The following KDM4C variants were observed in gnomAD, a reference collection of about 807,000 sequenced individuals.
KDM4C encodes the protein lysine-specific demethylase 4C.
Under a neutral mutation model 129.3 loss-of-function variants are expected in KDM4C, and 81 were observed. The ratio of observed to expected loss-of-function variants is 0.63; its 90% confidence interval spans 0.52 to 0.75. KDM4C has a LOEUF of 0.75. KDM4C is among the 30% of genes least tolerant of loss of function. The pLI is 0.00. For synonymous variants in KDM4C, 573 were observed against 456.1 expected (o/e 1.26, Z -3.26); for missense variants, 1,457 against 1,304.0 (o/e 1.12, Z -1.81).
chr9:6,992,446 A>G (rs1586763514), intron 12 of KDM4C, among the ~76,000 whole-genome samples: 1 of 152,190 alleles, frequency 6.6e-6, no homozygotes, highest in South Asian at 2.1e-4. Context: ...TTCCTTTCTA[A>G]TATGTTAAGG....
intron 1 of KDM4C, among the ~76,000 whole-genome samples, chr9:6,743,511 CTTT>C (rs765932331): frequency 7.0e-6 from 1 of 142,522 alleles, no homozygotes; most frequent in Non-Finnish European, 1.5e-5. Flanking sequence ...TTTCTGCTTC[CTTT>C]TTTTTTTTTT....
intron 2 of KDM4C, among the ~76,000 whole-genome samples, chr9:6,805,041 C>T (rs1415004027): frequency 6.6e-6 from 1 of 152,040 alleles, no homozygotes; most frequent in Non-Finnish European, 1.5e-5. Context: ...GCTGGGACTA[C>T]AGGTGCGTGC....
At chr9:7,148,081 C>A (rs1842382688) in intron 19 of KDM4C, among the ~76,000 whole-genome samples, 1 of 152,180 alleles carries the variant, frequency 6.6e-6, no homozygotes, top group Non-Finnish European at 1.5e-5. Context: ...GTGGGGTGGG[C>A]AGCTCCAGGT....
At chr9:6,919,247 T>TTTCTTTCTTTCTTTCTTTCTTTCTTTCC in intron 8 of KDM4C, among the ~76,000 whole-genome samples, 34 of 106,370 alleles carry the variant, frequency 3.2e-4, no homozygotes, top group African/African-American at 1.1e-3. Flanking sequence ...TCTTTCTTTC[T>TTTCTTTCTTTCTTTCTTTCTTTCTTTCC]TTTCTTTCTT....
intron 8 of KDM4C, among the ~76,000 whole-genome samples, chr9:6,950,885 G>T (rs1828023720): frequency 6.6e-6 from 1 of 152,086 alleles, no homozygotes. Context: ...ATCCTTAGTA[G>T]TCATGCCATG....
chr9:6,925,488 T>G lies in KDM4C; in HGVS notation c.921+32256T>G, dbSNP rs564676174. The G allele has an allele frequency of 5.3e-6, 4 of 756,080 alleles. No individual in the cohort carries two copies. The South Asian group carries it at 2.5e-4, about 48-fold the overall frequency. The allele number at this position is 756,080 out of a possible 1,614,324, so 46.8% of individuals were successfully genotyped here. On this transcript the variant is annotated intron_variant, in intron 8 of 21. Coordinates refer to ENST00000381309, the MANE Select transcript of KDM4C (RefSeq NM_015061.6). Reference sequence around the variant, plus strand: ...TCCCCTCTTTTCAAATAAGGACATATTCTCACCATCTTGCTCATGCTGCTT... The same window carrying G: ...TCCCCTCTTTTCAAATAAGGACATAGTCTCACCATCTTGCTCATGCTGCTT...
chr9:6,816,214 A>C (rs898954076), intron 4 of KDM4C, among the ~76,000 whole-genome samples: 1 of 152,160 alleles, frequency 6.6e-6, no homozygotes, highest in African/African-American at 2.4e-5. Context: ...CCTTGCCTTA[A>C]TTCCATTATT....
chr9:6,770,203 A>G (rs911924917), intron 1 of KDM4C, among the ~76,000 whole-genome samples: 1 of 149,972 alleles, frequency 6.7e-6, no homozygotes, highest in African/African-American at 2.5e-5. Context: ...AAAACAAACA[A>G]ACAAAAAACA....
intron 12 of KDM4C, among the ~76,000 whole-genome samples, chr9:7,009,647 C>G (rs1822325294): frequency 6.6e-6 from 1 of 152,134 alleles, no homozygotes; most frequent in Non-Finnish European, 1.5e-5. Context: ...ATCACCGTTA[C>G]AAATCTCAAA....
At chr9:6,868,508 G>T (rs192264613) in intron 5 of KDM4C, among the ~76,000 whole-genome samples, 1 of 152,072 alleles carries the variant, frequency 6.6e-6, no homozygotes, top group African/African-American at 2.4e-5. Flanking sequence ...GGCTGCTCAC[G>T]TCCCTGATAT....
At chr9:7,029,074 C>T (rs553823022) in intron 15 of KDM4C, among the ~76,000 whole-genome samples, 2 of 152,106 alleles carry the variant, frequency 1.3e-5, no homozygotes, top group Non-Finnish European at 2.9e-5. Context: ...ATTTGGTGTT[C>T]CTCCAGAGGG....
intron 2 of KDM4C, among the ~76,000 whole-genome samples, chr9:6,801,066 T>C (rs1198268646): frequency 1.3e-5 from 2 of 152,122 alleles, no homozygotes; most frequent in Admixed American, 6.5e-5. Context: ...CTCTCACTTA[T>C]AAGCTGTATA....
At chr9:6,979,008 C>T (rs1308330328) in intron 8 of KDM4C, 3 of 152,178 alleles carry the variant, frequency 2.0e-5, no homozygotes, top group African/African-American at 4.8e-5. Context: ...CTTATCTGCC[C>T]TAGGGATGTT....
chr9:6,822,550 C>G (rs1475326415), intron 4 of KDM4C, among the ~76,000 whole-genome samples: 5 of 152,080 alleles, frequency 3.3e-5, no homozygotes, highest in East Asian at 1.9e-4. Context: ...CTAGATGATT[C>G]TTTGGAAACA....
intron 1 of KDM4C, among the ~76,000 whole-genome samples, chr9:6,760,843 A>G (rs1459949733): frequency 2.6e-5 from 4 of 151,756 alleles, no homozygotes; most frequent in Non-Finnish European, 5.9e-5. Flanking sequence ...AAGTGCTGGG[A>G]TTACAGGCGT....
chr9:7,169,813 G>A lies in KDM4C; in HGVS notation c.2917G>A (p.Gly973Arg), dbSNP rs751623498. The change falls in exon 21 of 22, where the codon GGA (glycine) becomes AGA (arginine). Residue 973 changes from glycine to arginine, a missense_variant. Physicochemically the swap from Gly to Arg is moderately radical, Grantham distance 125 (BLOSUM62 -2). Coordinates refer to ENST00000381309, the MANE Select transcript of KDM4C (RefSeq NM_015061.6). ...CTTTCATTAGGTTGAGTTTGAAGATGGATCCCAGATAGCAATGAAGAGAGA... is the reference window on the plus strand; with the variant it reads ...CTTTCATTAGGTTGAGTTTGAAGATAGATCCCAGATAGCAATGAAGAGAGA... ...AHMYQVEFED[G>R]SQIAMKREDI... is the part of the protein sequence containing the mutation. 14 of 1,603,798 alleles carry A rather than the reference G, an allele frequency of 8.7e-6. No individual in the cohort carries two copies. The Admixed American group carries it at 1.7e-4, about 19-fold the overall frequency.
rs1370393881 is a variant in KDM4C, at chr9:6,834,709, C to G, written c.436-14798C>G. The stretch of plus-strand genomic sequence containing the variant: ...CCAACTGGGACAACATGGAGAAGAT[C>G]TGGCACCACACCTTCTAAAGGGAGC... On this transcript the variant is annotated intron_variant, in intron 4 of 21. Coordinates refer to ENST00000381309, the MANE Select transcript of KDM4C (RefSeq NM_015061.6). 1.5e-5 allele frequency: 13 copies of G among 883,604 alleles called. No individual in the cohort carries two copies. The African/African-American group carries it at 2.1e-4, about 14-fold the overall frequency. 54.7% of individuals were successfully genotyped at this position (883,604 alleles called of 1,614,324 possible). A position where few individuals can be genotyped will look rare whatever the true frequency, so the allele number is the denominator to read the frequency against.
chr9:6,853,452 C>T (rs553245966), intron 5 of KDM4C, among the ~76,000 whole-genome samples: 1 of 152,186 alleles, frequency 6.6e-6, no homozygotes, highest in African/African-American at 2.4e-5. Flanking sequence ...GAGGTGGTGC[C>T]ACTGCATTCC....
At chr9:6,819,107 T>C (rs889559323) in intron 4 of KDM4C, 1 of 152,204 alleles carries the variant, frequency 6.6e-6, no homozygotes, top group African/African-American at 2.4e-5. Context: ...ATAATTAACC[T>C]TTTTGTTCCC....
Sources: allele counts gnomAD v4.1 joint callset (sites outside exome capture counted in the v4.1 genomes callset), GRCh38; gene constraint gnomAD v4.1.1; transcripts MANE v1.5; gene names NCBI Gene and HGNC (gene_info 2026-07-23, HGNC 2026-07-21).